The following MCF2L variants were observed in gnomAD, a reference collection of about 807,000 sequenced individuals.
MCF2L encodes the protein guanine nucleotide exchange factor DBS.
Under a neutral mutation model 153.4 loss-of-function variants are expected in MCF2L, and 97 were observed. The ratio of observed to expected loss-of-function variants is 0.63; its 90% CI spans 0.54 to 0.75. MCF2L has a LOEUF of 0.75. Among genes scored for constraint, MCF2L ranks in the 30% least tolerant of loss-of-function variants. The pLI is 0.00. For synonymous variants in MCF2L, 659 were observed against 632.2 expected (o/e 1.04, Z -0.64); for missense variants, 1,347 against 1,495.2 (o/e 0.90, Z 1.64).
intron 26 of MCF2L, among the ~76,000 whole-genome samples, chr13:113,092,283 GACAGT>G (rs2142103038): frequency 6.6e-6 from 1 of 152,382 alleles, no homozygotes; most frequent in South Asian, 2.1e-4. Context: ...CATGAATGAA[GACAGT>G]ACAGCCTTGC....
In MCF2L at chr13:113,029,305, G is replaced by A. The variant is rs554346826; in HGVS notation, c.278+4547G>A. On this transcript the variant is annotated intron_variant, in intron 3 of 29. Transcript: ENST00000535094. ...GCTGCAGGCGTGCTGTGGGGACCCCGTGCCTCCAGGGTGTTGCCATTGAGC... is the reference window on the plus strand; with the variant it reads ...GCTGCAGGCGTGCTGTGGGGACCCCATGCCTCCAGGGTGTTGCCATTGAGC... 2.6e-5 allele frequency among the ~76,000 whole-genome samples: 4 copies of A among 152,154 alleles called. No homozygotes were observed. In the East Asian group the frequency reaches 5.8e-4, roughly 22 times the overall value.
At chr13:112,940,182 A>T (rs2081561337) in intron 2 of MCF2L, among the ~76,000 whole-genome samples, 2 of 152,188 alleles carry the variant, frequency 1.3e-5, no homozygotes, top group African/African-American at 2.4e-5. Context: ...CATTGTTTTC[A>T]TAATAAATAT....
intron 4 of MCF2L, among the ~76,000 whole-genome samples, chr13:113,056,884 G>A (rs906338903): frequency 7.2e-6 from 1 of 138,676 alleles, no homozygotes; most frequent in African/African-American, 2.9e-5. Context: ...CTGAGTGGGT[G>A]CTGTGTGTTT....
chr13:113,026,684 T>C (rs1424800574), intron 3 of MCF2L, among the ~76,000 whole-genome samples: 1 of 152,258 alleles, frequency 6.6e-6, no homozygotes, highest in Admixed American at 6.5e-5. Flanking sequence ...CCTCTCTGTG[T>C]CGTGGTCAGG....
rs530642729 is a variant in MCF2L, at chr13:113,096,925, C to T, written c.*66C>T. 1.7e-6 allele frequency: 2 copies of T among 1,154,082 alleles called. No individual in the cohort carries two copies. Among genetic ancestry groups the T allele is most frequent in the East Asian group, 3.5e-5 (1 of 28,620 alleles). 71.5% of individuals were successfully genotyped at this position (1,154,082 alleles called of 1,614,324 possible). A position where few individuals can be genotyped will look rare whatever the true frequency, so the allele number is the denominator to read the frequency against. ...GCGGTGGCGTGGGGAGGGCGCGGCCCCCGGACGCCCCGAGGAAGGGGCACC... is the reference window on the plus strand; with the variant it reads ...GCGGTGGCGTGGGGAGGGCGCGGCCTCCGGACGCCCCGAGGAAGGGGCACC... On this transcript the variant is annotated 3_prime_UTR_variant, in exon 30 of 30. Coordinates refer to ENST00000535094, the MANE Select transcript of MCF2L (RefSeq NM_001112732.3).
At chr13:113,096,007 A>G in intron 27 of MCF2L, 1 of 373,534 alleles carries the variant, frequency 2.7e-6, no homozygotes, top group Non-Finnish European at 4.8e-6. Flanking sequence ...CGAGTCGGGG[A>G]GTACCAAGGA....
chr13:113,083,536 C>T lies in MCF2L; in HGVS notation c.1992-462C>T, dbSNP rs193049568. ...CCAAATCCATCCCCCAGACGGTTTT[C>T]CCCTCCAGCCGGACTTCCTCCAGGG... On this transcript the variant is annotated intron_variant, in intron 17 of 29. Coordinates refer to ENST00000535094, the MANE Select transcript of MCF2L (RefSeq NM_001112732.3). Among the ~76,000 whole-genome samples, 584 of 152,336 alleles carry T rather than the reference C, an allele frequency of 3.8e-3. 18 individuals are homozygous for T. Among genetic ancestry groups the T allele is most frequent in the Non-Finnish European group, 9.4e-4 (64 of 68,036 alleles).
rs772722164 is a variant in MCF2L at position 113,070,168 on chromosome 13, C to T, written c.991C>T (p.Arg331Trp). 1.1e-5 allele frequency: 17 copies of T among 1,592,120 alleles called. No individual in the cohort carries two copies. Among genetic ancestry groups the T allele is most frequent in the East Asian group, 7.0e-5 (3 of 42,608 alleles). The change falls in exon 9 of 30, where the codon CGG becomes TGG. Residue 331 changes from arginine (R) to tryptophan (W), a missense_variant. This residue lies in a region of MCF2L where 820 missense variants were observed against 921.2 expected (regional missense o/e 0.89). Transcript: ENST00000535094. The surrounding 1 kb of genome is among the most constrained non-coding windows in gnomAD (Gnocchi z 5.6). ...LQLRHFEQGF[R>W]EVKAILDAAS... Reference sequence around the variant, plus strand: ...GCTCCGGCACTTTGAGCAGGGCTTCCGGGAGGTGAGTGGCCCTGGGTGGAG... The same window carrying T: ...GCTCCGGCACTTTGAGCAGGGCTTCTGGGAGGTGAGTGGCCCTGGGTGGAG...
chr13:112,981,533 C>G (rs1348221672), intron 1 of MCF2L, among the ~76,000 whole-genome samples: 2 of 152,194 alleles, frequency 1.3e-5, no homozygotes, highest in African/African-American at 4.8e-5. Flanking sequence ...TGCACCGAGC[C>G]CTGGTCCCCA....
chr13:112,926,436 C>T (rs60552219), intron 2 of MCF2L, among the ~76,000 whole-genome samples: 1 of 74,162 alleles, frequency 1.3e-5, no homozygotes, highest in African/African-American at 4.4e-5. Flanking sequence ...GGCCTGGTTT[C>T]TATACACAGC....
At chr13:112,992,427 C>T (rs1263552084) in intron 1 of MCF2L, among the ~76,000 whole-genome samples, 1 of 152,218 alleles carries the variant, frequency 6.6e-6, no homozygotes, top group African/African-American at 2.4e-5. Flanking sequence ...CCGACTTCCC[C>T]ATCTCAGTGA....
chr13:112,927,138 C>A (rs745955981), intron 2 of MCF2L, among the ~76,000 whole-genome samples: 18 of 152,192 alleles, frequency 1.2e-4, no homozygotes, highest in Non-Finnish European at 2.5e-4. Context: ...GAGGGCTGAA[C>A]TCTCCCGTGG....
At chr13:112,895,573 C>G (rs1241520523) in intron 1 of MCF2L, among the ~76,000 whole-genome samples, 1 of 152,052 alleles carries the variant, frequency 6.6e-6, no homozygotes, top group African/African-American at 2.4e-5. Context: ...CAGGGCTGGT[C>G]GTGAGAACGG....
In MCF2L at chr13:113,046,442, T is replaced by C; in HGVS notation, c.369+1081T>C. 2.2e-6 allele frequency: 1 copy of C among 464,492 alleles called. No homozygotes were observed. Among genetic ancestry groups the C allele is most frequent in the Non-Finnish European group, 4.3e-6 (1 of 232,058 alleles). 28.8% of individuals were successfully genotyped at this position (464,492 alleles called of 1,614,324 possible). On this transcript the variant is annotated intron_variant, in intron 4 of 29. Coordinates refer to ENST00000535094, the MANE Select transcript of MCF2L (RefSeq NM_001112732.3). The surrounding 1 kb of genome is among the most constrained non-coding windows in gnomAD (Gnocchi z 4.4). ...GTGAAGTCAGATTCTCCCAGTGAAG[T>C]CAGATTCTCCTGGCCTTTCCTGGGT...
At chr13:113,091,751 T>C (rs2035240159) in intron 26 of MCF2L, among the ~76,000 whole-genome samples, 1 of 152,166 alleles carries the variant, frequency 6.6e-6, no homozygotes, top group Non-Finnish European at 1.5e-5. Flanking sequence ...CTCCCTTATA[T>C]TCTCAGGGTG....
intron 1 of MCF2L, among the ~76,000 whole-genome samples, chr13:113,003,160 C>G (rs971423534): frequency 6.6e-6 from 1 of 152,180 alleles, no homozygotes; most frequent in East Asian, 1.9e-4. Flanking sequence ...TGGGTGAGGG[C>G]GTGAGCAGGT....
intron 1 of MCF2L, among the ~76,000 whole-genome samples, chr13:112,995,913 C>G (rs1470407083): frequency 6.6e-6 from 1 of 152,216 alleles, no homozygotes; most frequent in Non-Finnish European, 1.5e-5. Flanking sequence ...TGGCGGCCAC[C>G]GGGGAGTGAT....
At chr13:112,916,528 C>T (rs561238158) in intron 2 of MCF2L, among the ~76,000 whole-genome samples, 5 of 152,344 alleles carry the variant, frequency 3.3e-5, no homozygotes, top group African/African-American at 1.2e-4. Flanking sequence ...TCTCACCCAG[C>T]GTCACGCCCT....
chr13:113,014,987 C>T, intron 2 of MCF2L, 141 bp downstream of exon 2: 1 of 692,210 alleles, frequency 1.4e-6, no homozygotes, highest in Admixed American at 2.4e-5. Flanking sequence ...TGGGTCTGAC[C>T]TGTGACCTGG....
Sources: allele counts gnomAD v4.1 joint callset (sites outside exome capture counted in the v4.1 genomes callset), GRCh38; gene constraint gnomAD v4.1.1; regional missense constraint gnomAD v4.1.1; non-coding constraint Gnocchi (gnomAD v3.1); transcripts MANE v1.5; gene names NCBI Gene and HGNC (gene_info 2026-07-23, HGNC 2026-07-21).